ZFHX4: variants seen among roughly 807,000 people sequenced by gnomAD.
ZFHX4 encodes the protein zinc finger homeobox 4.
Under a neutral mutation model 267.6 loss-of-function variants are expected in ZFHX4, and 56 were observed. The ratio of observed to expected loss-of-function variants is 0.21; its 90% confidence interval spans 0.17 to 0.26. ZFHX4 has a LOEUF of 0.26. Ranked by LOEUF, ZFHX4 falls within the 10% of genes least tolerant of loss-of-function variation. The probability of loss-of-function intolerance (pLI) is 1.00; values close to 1 mark genes in which losing one functional copy is unlikely to be tolerated. For synonymous variants in ZFHX4, 1,778 were observed against 1,665.6 expected (o/e 1.07, Z -1.64); for missense variants, 4,332 against 4,420.0 (o/e 0.98, Z 0.56).
chr8:76,784,515 A>G (rs1810636116), intron 4 of ZFHX4, among the ~76,000 whole-genome samples: 1 of 151,976 alleles, frequency 6.6e-6, no homozygotes, highest in South Asian at 2.1e-4. Context: ...GTGATGTGCT[A>G]ATGTGTGGGC....
At chr8:76,718,376 T>C (rs1468374359) in intron 3 of ZFHX4, among the ~76,000 whole-genome samples, 1 of 152,216 alleles carries the variant, frequency 6.6e-6, no homozygotes, top group Non-Finnish European at 1.5e-5. Flanking sequence ...CTGTGATATC[T>C]TTTGAGAAGA....
intron 10 of ZFHX4, 51 bp downstream of exon 10, chr8:76,856,351 G>A: frequency 1.3e-6 from 2 of 1,597,054 alleles, no homozygotes; most frequent in South Asian, 2.2e-5. Context: ...GCATCAGGTA[G>A]ACAGTCACAT....
chr8:76,736,424 T>C (rs972815473), intron 3 of ZFHX4, among the ~76,000 whole-genome samples: 1 of 152,156 alleles, frequency 6.6e-6, no homozygotes, highest in African/African-American at 2.4e-5. Flanking sequence ...AATTTCAGTT[T>C]ATGGACAAGA....
At chr8:76,746,428 G>T (rs961776106) in intron 3 of ZFHX4, among the ~76,000 whole-genome samples, 6 of 152,038 alleles carry the variant, frequency 3.9e-5, no homozygotes, top group African/African-American at 1.4e-4. Flanking sequence ...AAACAAACAA[G>T]AAATATTTTT....
At chr8:76,755,916 T>C (rs1809748194) in intron 3 of ZFHX4, among the ~76,000 whole-genome samples, 5 of 152,186 alleles carry the variant, frequency 3.3e-5, no homozygotes, top group Admixed American at 2.6e-4. Context: ...TCTGTCACTG[T>C]GACCTCAAAA....
At chr8:76,781,689 T>C (rs1283132923) in intron 4 of ZFHX4, among the ~76,000 whole-genome samples, 1 of 152,090 alleles carries the variant, frequency 6.6e-6, no homozygotes, top group Non-Finnish European at 1.5e-5. Context: ...TCTAGTGATA[T>C]TTAAATGTAG....
At chr8:76,734,614 T>A (rs1369740078) in intron 3 of ZFHX4, among the ~76,000 whole-genome samples, 1 of 152,154 alleles carries the variant, frequency 6.6e-6, no homozygotes, top group Non-Finnish European at 1.5e-5. Flanking sequence ...AAATGCTGAG[T>A]ATCACTGGAT....
At position 76,851,189 on chromosome 8, in the gene ZFHX4, C is replaced by T; in HGVS notation, c.4268C>T (p.Ala1423Val). The T allele has an allele frequency of 1.2e-6, 2 of 1,613,924 alleles. No individual in the cohort carries two copies. The highest frequency in any genetic ancestry group is 2.7e-5 in the African/African-American group (2 of 75,034). ...CATTCCCAGTATCATGCAATTCGGG[C>T]TGCGACAATGTGTAACCTCTGCCAG... ...QIHSQYHAIR[A>V]ATMCNLCQRS... is the part of the protein sequence containing the mutation. Residue 1423 changes from alanine (A) to valine (V), a missense_variant, in exon 10 of 11, where the codon GCT becomes GTT. Coordinates refer to ENST00000651372, the MANE Select transcript of ZFHX4 (RefSeq NM_024721.5).
At chr8:76,788,433 C>A (rs1431597576) in intron 4 of ZFHX4, among the ~76,000 whole-genome samples, 2 of 152,062 alleles carry the variant, frequency 1.3e-5, no homozygotes, top group Admixed American at 6.6e-5. Context: ...GAATTTTATT[C>A]TTGATTATTA....
chr8:76,862,973 T>A (rs1812909886), intron 10 of ZFHX4, 121 bp from the exon 11 acceptor site: 1 of 1,366,412 alleles, frequency 7.3e-7, no homozygotes, highest in Admixed American at 3.3e-5. Flanking sequence ...TCCTATTGTG[T>A]GTAATACATC....
At chr8:76,798,062 A>T (rs965428053) in intron 4 of ZFHX4, among the ~76,000 whole-genome samples, 2 of 152,134 alleles carry the variant, frequency 1.3e-5, no homozygotes, top group Non-Finnish European at 2.9e-5. Context: ...ACTTTAAAAA[A>T]TTTGCAGATA....
intron 6 of ZFHX4, among the ~76,000 whole-genome samples, chr8:76,847,599 A>T (rs1181758006): frequency 6.6e-6 from 1 of 152,066 alleles, no homozygotes; most frequent in Non-Finnish European, 1.5e-5. Flanking sequence ...TATTGTCATG[A>T]TGTAATTTAA....
At chr8:76,860,989 C>T (rs1812851369) in intron 10 of ZFHX4, among the ~76,000 whole-genome samples, 1 of 152,054 alleles carries the variant, frequency 6.6e-6, no homozygotes, top group South Asian at 2.1e-4. Flanking sequence ...TTGTGGGCCC[C>T]CAAAGGCATA....
At chr8:76,815,514 A>G (rs552756539) in intron 4 of ZFHX4, among the ~76,000 whole-genome samples, 33 of 151,962 alleles carry the variant, frequency 2.2e-4, no homozygotes, top group Middle Eastern at 3.4e-3. Context: ...TTATTTATTT[A>G]TTTTTGAGAC....
chr8:76,705,782 G>A lies in ZFHX4; in HGVS notation c.1694G>A (p.Ser565Asn), dbSNP rs867082286. The change falls in exon 2 of 11, where the codon AGT becomes AAT. Residue 565 changes from serine (S) to asparagine (N), a missense_variant. Around this residue, in one of 7 missense-constraint regions of ZFHX4, gnomAD observed 1,195 missense variants for 1,173.6 expected, o/e 1.02. Transcript: ENST00000651372. ...AAGGACTTTGCAGACGCAAGTGCCA[G>A]TAAAGACAGTGCCACAGCTGCTCAT... ...SGKDFADASA[S>N]KDSATAAHPS... 5.0e-6 allele frequency: 8 copies of A among 1,613,864 alleles called. No homozygotes were observed. The African/African-American group carries it at 9.3e-5, about 19-fold the overall frequency.
intron 3 of ZFHX4, among the ~76,000 whole-genome samples, chr8:76,773,361 C>T (rs957891436): frequency 6.6e-6 from 1 of 152,146 alleles, no homozygotes; most frequent in Non-Finnish European, 1.5e-5. Context: ...GTTGCAGAAT[C>T]ATTGTATACA....
chr8:76,708,204 T>A, intron 3 of ZFHX4, 156 bp downstream of exon 3: 1 of 911,344 alleles, frequency 1.1e-6, no homozygotes, highest in Non-Finnish European at 1.7e-6. Context: ...AAAAACATAT[T>A]GAAATATATG....
intron 4 of ZFHX4, among the ~76,000 whole-genome samples, chr8:76,802,494 T>G (rs561884300): frequency 6.6e-6 from 1 of 152,054 alleles, no homozygotes; most frequent in Non-Finnish European, 1.5e-5. Flanking sequence ...AAGCAAGTGG[T>G]TTTTAATTGC....
chr8:76,714,546 A>G (rs555309498), intron 3 of ZFHX4, among the ~76,000 whole-genome samples: 5 of 152,326 alleles, frequency 3.3e-5, no homozygotes, highest in South Asian at 2.1e-4. Flanking sequence ...CACAGCCACC[A>G]ATAACCGTGA....
Sources: gnomAD v4.1 joint callset for allele counts (sites outside exome capture counted in the v4.1 genomes callset) on GRCh38, gnomAD v4.1.1 for gene constraint, gnomAD v4.1.1 regional missense constraint, MANE v1.5 for transcripts, NCBI Gene and HGNC (gene_info 2026-07-23, HGNC 2026-07-21) for gene names.